Variants in ITPKB observed in about 807,000 individuals in gnomAD.
The protein encoded by ITPKB is IP3 3-kinase B.
ITPKB carries 13 observed loss-of-function variants against 69.4 expected under a neutral mutation model. The observed-to-expected ratio is 0.19, with a 90% CI of 0.12 to 0.30. The LOEUF (loss-of-function observed/expected upper bound fraction) is 0.30, where lower values mean the gene tolerates loss of function less well. ITPKB is among the 10% of genes least tolerant of loss of function. The probability of loss-of-function intolerance (pLI) is 1.00; values close to 1 mark genes in which losing one functional copy is unlikely to be tolerated. For missense variants in ITPKB, 1,240 were observed against 1,250.5 expected (o/e 0.99, Z 0.13); for synonymous variants, 584 against 513.7 (o/e 1.14, Z -1.85).
At chr1:226,667,606 C>T (rs148307229) in intron 2 of ITPKB, among the ~76,000 whole-genome samples, 2 of 152,302 alleles carry the variant, frequency 1.3e-5, no homozygotes, top group African/African-American at 4.8e-5. Flanking sequence ...GGCTCCTGGA[C>T]TCCTTTGTCC....
In ITPKB at chr1:226,637,723, T is replaced by C; in HGVS notation, c.2581A>G (p.Ile861Val). 1 of 1,614,082 alleles carries C rather than the reference T, an allele frequency of 6.2e-7. No individual in the cohort carries two copies. The change falls in exon 7 of 8, where the codon ATT (isoleucine) becomes GTT (valine). Residue 861 changes from isoleucine to valine, a missense_variant. Ile to Val is a conservative substitution (Grantham distance 29). This residue lies in a region of ITPKB where 248 missense variants were observed against 396.7 expected (regional missense o/e 0.63). Transcript: ENST00000429204. The surrounding 1 kb of genome is among the most constrained non-coding windows in gnomAD (Gnocchi z 4.3). ...GGAGAAACTTCTAGAGTGGTTCGAA[T>C]GGCCTTCAGCCGGTCCCGATAGGCG... ...LIAYRDRLKA[I>V]RTTLEVSPFF... is the part of the protein sequence containing the mutation.
intron 2 of ITPKB, among the ~76,000 whole-genome samples, chr1:226,656,171 C>T (rs1669283774): frequency 6.6e-6 from 1 of 152,216 alleles, no homozygotes; most frequent in African/African-American, 2.4e-5. Context: ...TTCCAAAGAG[C>T]CCTGGGCACG....
In ITPKB at chr1:226,647,084, G is replaced by A. The variant is rs75535154; in HGVS notation, c.2246+83C>T. The A allele has an allele frequency of 5.1e-4, 661 of 1,293,116 alleles. 5 individuals are homozygous for A. The East Asian group carries it at 0.013, about 25-fold the overall frequency. The allele number at this position is 1,293,116 out of a possible 1,614,324, so 80.1% of individuals were successfully genotyped here. ...CTGCCCTTGCACCTGTGAGGCCTCCGGGAAGCCCTGAGTGCCACGCTGTGC... is the reference window on the plus strand; with the variant it reads ...CTGCCCTTGCACCTGTGAGGCCTCCAGGAAGCCCTGAGTGCCACGCTGTGC... On this transcript the variant is annotated intron_variant, in intron 4 of 7. Coordinates refer to ENST00000429204, the MANE Select transcript of ITPKB (RefSeq NM_002221.4).
At chr1:226,684,343 AC>A (rs1325834983) in intron 2 of ITPKB, among the ~76,000 whole-genome samples, 4 of 152,156 alleles carry the variant, frequency 2.6e-5, no homozygotes, top group African/African-American at 7.2e-5. Flanking sequence ...CCAGAAGGAG[AC>A]CAGCACCAGC....
At chr1:226,691,438 C>T (rs903510028) in intron 2 of ITPKB, among the ~76,000 whole-genome samples, 2 of 152,074 alleles carry the variant, frequency 1.3e-5, no homozygotes, top group African/African-American at 4.8e-5. Context: ...AGTAAGCAAG[C>T]ATTCTAAAAT....
At chr1:226,660,793 C>CA (rs1669389508) in intron 2 of ITPKB, among the ~76,000 whole-genome samples, 1 of 152,204 alleles carries the variant, frequency 6.6e-6, no homozygotes. Context: ...GGCGGATGGG[C>CA]AGCCTTTCGA....
intron 2 of ITPKB, among the ~76,000 whole-genome samples, chr1:226,651,644 G>A (rs1258041468): frequency 6.6e-6 from 1 of 152,208 alleles, no homozygotes; most frequent in Admixed American, 6.5e-5. Context: ...GACACAGTGA[G>A]CAGGGAGCCT....
chr1:226,645,434 G>C (rs557193077), intron 4 of ITPKB, among the ~76,000 whole-genome samples: 37 of 152,326 alleles, frequency 2.4e-4, no homozygotes, highest in African/African-American at 7.9e-4. Flanking sequence ...GGCAGGAAGC[G>C]GGGCTCCTGT....
At chr1:226,679,296 T>G (rs368622153) in intron 2 of ITPKB, among the ~76,000 whole-genome samples, 33 of 152,376 alleles carry the variant, frequency 2.2e-4, no homozygotes, top group African/African-American at 7.9e-4. Flanking sequence ...GCTTTTGATC[T>G]TATTTAAAAT....
intron 2 of ITPKB, among the ~76,000 whole-genome samples, chr1:226,699,137 T>G (rs981713841): frequency 6.6e-6 from 1 of 152,234 alleles, no homozygotes; most frequent in African/African-American, 2.4e-5. Flanking sequence ...TCAGGCCAAC[T>G]GAGAAAAGTC....
At chr1:226,684,287 T>A (rs1157318965) in intron 2 of ITPKB, among the ~76,000 whole-genome samples, 1 of 152,100 alleles carries the variant, frequency 6.6e-6, no homozygotes, top group Non-Finnish European at 1.5e-5. Flanking sequence ...CTTGCTCATC[T>A]GTTACCAGAT....
At position 226,691,054 on chromosome 1, in the gene ITPKB, G is replaced by A. The variant is rs544969703; in HGVS notation, c.1933-42283C>T. 2.0e-5 allele frequency among the ~76,000 whole-genome samples: 3 copies of A among 152,262 alleles called. No individual in the cohort carries two copies. In the South Asian group the frequency reaches 6.2e-4, roughly 32 times the overall value. On this transcript the variant is annotated intron_variant, in intron 2 of 7. Transcript: ENST00000429204. Reference sequence around the variant, plus strand: ...CAGAAAAGTAGATTAATGGTTGTAGGGGCCTAGGAGAGAGGGGAGAGGGAT... The same window carrying A: ...CAGAAAAGTAGATTAATGGTTGTAGAGGCCTAGGAGAGAGGGGAGAGGGAT...
At chr1:226,689,318 T>C (rs1656289468) in intron 2 of ITPKB, among the ~76,000 whole-genome samples, 1 of 152,210 alleles carries the variant, frequency 6.6e-6, no homozygotes, top group Admixed American at 6.5e-5. Flanking sequence ...ACTGGGGCTG[T>C]GTTTTCTCAG....
chr1:226,649,324 TGA>T (rs879711935), intron 2 of ITPKB, among the ~76,000 whole-genome samples: 4 of 144,688 alleles, frequency 2.8e-5, no homozygotes, highest in Admixed American at 6.8e-5. Context: ...TATGTGTGCA[TGA>T]GTGTGTGCGT....
At chr1:226,691,251 C>T (rs1571860469) in intron 2 of ITPKB, among the ~76,000 whole-genome samples, 1 of 150,990 alleles carries the variant, frequency 6.6e-6, no homozygotes, top group South Asian at 2.1e-4. Context: ...AAAAAAAAAA[C>T]CTCTGTTTTT....
In ITPKB at chr1:226,683,585, G is replaced by A. The variant is rs973471965; in HGVS notation, c.1933-34814C>T. Among the ~76,000 whole-genome samples, 3 of 152,118 alleles carry A rather than the reference G, an allele frequency of 2.0e-5. No individual in the cohort carries two copies. In the South Asian group the frequency reaches 6.2e-4, roughly 32 times the overall value. On this transcript the variant is annotated intron_variant, in intron 2 of 7. Transcript: ENST00000429204. ...CAAAGGCCCTCCTGCTTGCTGTGTA[G>A]TATAAGACATCTGTGAAGTGGAGAC...
chr1:226,650,527 T>G (rs899384729), intron 2 of ITPKB, among the ~76,000 whole-genome samples: 9 of 152,306 alleles, frequency 5.9e-5, no homozygotes, highest in African/African-American at 2.2e-4. Flanking sequence ...GGGCACACAA[T>G]GCATGAGGGC....
intron 2 of ITPKB, among the ~76,000 whole-genome samples, chr1:226,655,731 C>T (rs1188349130): frequency 6.6e-6 from 1 of 152,238 alleles, no homozygotes. Context: ...AGCCCACATG[C>T]CCCCTGGGGT....
rs1038261877 is a variant in ITPKB at position 226,738,455 on chromosome 1, G to A, written c.-206+586C>T. Among the ~76,000 whole-genome samples the A allele has an allele frequency of 5.3e-5, 8 of 152,212 alleles. No individual in the cohort carries two copies. The highest frequency in any genetic ancestry group is 1.9e-4 in the African/African-American group (8 of 41,456). ...CCCCTGCCGTCGTCCCCTATGGGGGGGTGTCTGTGAGTGTGTGTGTATACA... is the reference window on the plus strand; with the variant it reads ...CCCCTGCCGTCGTCCCCTATGGGGGAGTGTCTGTGAGTGTGTGTGTATACA... On this transcript the variant is annotated intron_variant, in intron 1 of 7. Coordinates refer to ENST00000429204, the MANE Select transcript of ITPKB (RefSeq NM_002221.4). This position sits in a 1 kb window ranked among gnomAD's most constrained non-coding sequence, Gnocchi z 4.2.
Sources: allele counts gnomAD v4.1 joint callset (sites outside exome capture counted in the v4.1 genomes callset), GRCh38; gene constraint gnomAD v4.1.1; regional missense constraint gnomAD v4.1.1; non-coding constraint Gnocchi (gnomAD v3.1); transcripts MANE v1.5; gene names NCBI Gene and HGNC (gene_info 2026-07-23, HGNC 2026-07-21).